Variants in SAMMSON observed in about 807,000 individuals in gnomAD.
SAMMSON encodes the protein long intergenic non-protein coding RNA 1212.
At chr3:70,021,160 G>C (rs1406589445) in intron 3 of SAMMSON, among the ~76,000 whole-genome samples, 1 of 152,142 alleles carries the variant, frequency 6.6e-6, no homozygotes, top group Non-Finnish European at 1.5e-5. Context: ...GGGTGGGGAG[G>C]TGGGAAGAGA....
intron 3 of SAMMSON, chr3:70,069,926 C>A (rs1407228773): frequency 6.6e-6 from 1 of 152,006 alleles, no homozygotes; most frequent in East Asian, 1.9e-4. Flanking sequence ...GAAATATGGT[C>A]TTGATAAGGA....
chr3:70,231,663 A>G (rs1701561137), intron 4 of SAMMSON, among the ~76,000 whole-genome samples: 1 of 152,102 alleles, frequency 6.6e-6, no homozygotes, highest in Admixed American at 6.5e-5. Context: ...CGCTAAGGAG[A>G]GAGAGAGAAG....
At chr3:70,061,959 A>G (rs2067191948) in intron 3 of SAMMSON, among the ~76,000 whole-genome samples, 1 of 152,088 alleles carries the variant, frequency 6.6e-6, no homozygotes, top group Admixed American at 6.6e-5. Flanking sequence ...GCTTACACTT[A>G]TGTCTTTGGA....
At chr3:70,328,131 A>C (rs923189731) in intron 7 of SAMMSON, among the ~76,000 whole-genome samples, 1 of 152,202 alleles carries the variant, frequency 6.6e-6, no homozygotes, top group Non-Finnish European at 1.5e-5. Flanking sequence ...CTTATTCACT[A>C]TCACAATAAT....
chr3:70,187,929 A>G (rs1431990787), intron 4 of SAMMSON, among the ~76,000 whole-genome samples: 3 of 152,032 alleles, frequency 2.0e-5, no homozygotes, highest in African/African-American at 7.2e-5. Flanking sequence ...TCTCCCTATA[A>G]AAAGAGGCCA....
At chr3:70,384,793 C>G (rs1444899478) in intron 9 of SAMMSON, among the ~76,000 whole-genome samples, 2 of 151,964 alleles carry the variant, frequency 1.3e-5, no homozygotes, top group Non-Finnish European at 2.9e-5. Context: ...GGTAAGAATT[C>G]TATAAAATAA....
chr3:70,062,590 C>T (rs2067194359), intron 3 of SAMMSON, among the ~76,000 whole-genome samples: 1 of 152,074 alleles, frequency 6.6e-6, no homozygotes, highest in Non-Finnish European at 1.5e-5. Context: ...CTTTCTGTAG[C>T]AGTCACCAAT....
At chr3:70,389,396 A>G (rs1039290992) in intron 9 of SAMMSON, among the ~76,000 whole-genome samples, 2 of 152,138 alleles carry the variant, frequency 1.3e-5, no homozygotes, top group African/African-American at 2.4e-5. Context: ...TGAATATTCT[A>G]TATAAACATG....
In SAMMSON at chr3:70,423,671, G is replaced by A. The variant is rs147935373; in HGVS notation, n.234-38889G>A. Among the ~76,000 whole-genome samples, 184 of 152,162 alleles carry A rather than the reference G, an allele frequency of 1.2e-3. 2 individuals are homozygous for A. Among genetic ancestry groups the A allele is most frequent in the African/African-American group, 3.8e-3 (159 of 41,522 alleles). ...ACATTTTCCTCTTTAACTAACATGAGGTCTAAAAAGTATAGGCTCAGCTGA... is the reference window on the plus strand; with the variant it reads ...ACATTTTCCTCTTTAACTAACATGAAGTCTAAAAAGTATAGGCTCAGCTGA... On this transcript the variant is annotated intron_variant and non_coding_transcript_variant, in intron 2 of 3. Transcript: ENST00000641053.
chr3:70,005,369 C>A (rs905075432), intron 1 of SAMMSON, among the ~76,000 whole-genome samples: 1 of 138,438 alleles, frequency 7.2e-6, no homozygotes, highest in African/African-American at 2.6e-5. Flanking sequence ...ATGGGGTGGG[C>A]TGGGCTGGGA....
intron 6 of SAMMSON, among the ~76,000 whole-genome samples, chr3:70,277,888 C>A (rs1317191188): frequency 6.6e-6 from 1 of 152,134 alleles, no homozygotes; most frequent in Non-Finnish European, 1.5e-5. Context: ...CAGTCTTAAT[C>A]AGAGGAAGAT....
chr3:70,136,046 C>A (rs1344327245), intron 4 of SAMMSON, among the ~76,000 whole-genome samples: 1 of 151,858 alleles, frequency 6.6e-6, no homozygotes, highest in African/African-American at 2.4e-5. Flanking sequence ...CATCTCCACA[C>A]AAAATTGGAA....
intron 4 of SAMMSON, among the ~76,000 whole-genome samples, chr3:70,177,359 C>T (rs986565486): frequency 2.6e-5 from 4 of 152,114 alleles, no homozygotes; most frequent in Non-Finnish European, 4.4e-5. Context: ...GAGCACCTAC[C>T]GTGAACTGGT....
chr3:70,318,481 A>AGTGTGTGT (rs1702511432), intron 7 of SAMMSON, among the ~76,000 whole-genome samples: 2 of 106,838 alleles, frequency 1.9e-5, no homozygotes, highest in East Asian at 5.1e-4. Flanking sequence ...TGTGTGTGTG[A>AGTGTGTGT]GTGTGTGTGT....
intron 6 of SAMMSON, among the ~76,000 whole-genome samples, chr3:70,280,673 A>G (rs1201214243): frequency 6.6e-6 from 1 of 152,132 alleles, no homozygotes; most frequent in Non-Finnish European, 1.5e-5. Context: ...CATAGAAACT[A>G]GAATACCTCT....
At chr3:70,300,281 T>G (rs1465906944) in intron 7 of SAMMSON, among the ~76,000 whole-genome samples, 1 of 152,138 alleles carries the variant, frequency 6.6e-6, no homozygotes, top group Non-Finnish European at 1.5e-5. Context: ...CATTTCTCCT[T>G]TATTTAAATC....
chr3:70,009,557 T>C (rs1181810307), intron 1 of SAMMSON, among the ~76,000 whole-genome samples: 2 of 152,210 alleles, frequency 1.3e-5, no homozygotes, highest in East Asian at 3.8e-4. Flanking sequence ...TCTAGCAGTC[T>C]ATCAATTTTG....
chr3:70,013,721 A>G (rs2066968691), intron 3 of SAMMSON: 1 of 152,182 alleles, frequency 6.6e-6, no homozygotes, highest in African/African-American at 2.4e-5. Context: ...TGGATGTATT[A>G]TGAAGGAGAA....
intron 2 of SAMMSON, among the ~76,000 whole-genome samples, chr3:70,396,808 G>C (rs914966834): frequency 1.3e-5 from 2 of 152,134 alleles, no homozygotes; most frequent in African/African-American, 4.8e-5. Context: ...GGAATGCAAA[G>C]ACATCATCTC....
Sources: allele counts gnomAD v4.1 joint callset (sites outside exome capture counted in the v4.1 genomes callset), GRCh38; gene constraint gnomAD v4.1.1; transcripts MANE v1.5; gene names NCBI Gene and HGNC (gene_info 2026-07-23, HGNC 2026-07-21).